ZNF804B: variants seen among roughly 807,000 people sequenced by gnomAD.
ZNF804B encodes the protein zinc finger protein 804B.
ZNF804B carries 80 observed loss-of-function variants against 101.4 expected under a neutral mutation model. The observed-to-expected ratio is 0.79, with a 90% CI of 0.66 to 0.95. The LOEUF (loss-of-function observed/expected upper bound fraction) is 0.95. Among genes scored for constraint, ZNF804B ranks in the 40% least tolerant of loss-of-function variants. ZNF804B has a pLI of 0.00. For synonymous variants in ZNF804B, 622 were observed against 558.8 expected (o/e 1.11, Z -1.59); for missense variants, 1,673 against 1,561.9 (o/e 1.07, Z -1.20).
intron 1 of ZNF804B, among the ~76,000 whole-genome samples, chr7:88,857,007 G>T (rs1412565310): frequency 6.6e-6 from 1 of 152,012 alleles, no homozygotes; most frequent in Non-Finnish European, 1.5e-5. Flanking sequence ...GATTCGGTTC[G>T]CCAGTATTTT....
intron 1 of ZNF804B, among the ~76,000 whole-genome samples, chr7:88,902,773 A>G (rs780012287): frequency 7.2e-5 from 11 of 152,160 alleles, no homozygotes; most frequent in Non-Finnish European, 1.6e-4. Context: ...CTGTGCCTAC[A>G]TTATTTTAAA....
chr7:88,805,235 G>T (rs1583947398), intron 1 of ZNF804B, among the ~76,000 whole-genome samples: 1 of 152,078 alleles, frequency 6.6e-6, no homozygotes, highest in East Asian at 1.9e-4. Flanking sequence ...TGCAATGAGG[G>T]TCTAGGCTAG....
intron 2 of ZNF804B, among the ~76,000 whole-genome samples, chr7:89,271,896 C>G (rs1789903494): frequency 6.6e-6 from 1 of 151,978 alleles, no homozygotes. Context: ...GTTTGTATTT[C>G]TGTGGGATCG....
chr7:89,020,861 T>G (rs368678460), intron 1 of ZNF804B, among the ~76,000 whole-genome samples: 1 of 152,216 alleles, frequency 6.6e-6, no homozygotes. Flanking sequence ...TTTCAAAACA[T>G]GAATTGTTTC....
At chr7:89,112,254 T>C (rs960331144) in intron 1 of ZNF804B, among the ~76,000 whole-genome samples, 2 of 152,194 alleles carry the variant, frequency 1.3e-5, no homozygotes, top group Admixed American at 1.3e-4. Context: ...GTCTTAGATA[T>C]GACATCTAGG....
chr7:89,136,558 A>G (rs922391712), intron 1 of ZNF804B, among the ~76,000 whole-genome samples: 7 of 151,948 alleles, frequency 4.6e-5, no homozygotes, highest in Admixed American at 3.3e-4. Context: ...GCACTATTCT[A>G]CTTTATCTGT....
intron 1 of ZNF804B, among the ~76,000 whole-genome samples, chr7:88,804,168 A>G (rs559508341): frequency 6.6e-6 from 1 of 152,270 alleles, no homozygotes; most frequent in East Asian, 1.9e-4. Context: ...CATTGAGTGG[A>G]TCAAAGGAGA....
rs1791598245 is a variant in ZNF804B, at chr7:88,858,099, A to G, written c.108+98015A>G. On this transcript the variant is annotated intron_variant, in intron 1 of 3. Coordinates refer to ENST00000333190, the MANE Select transcript of ZNF804B (RefSeq NM_181646.5). Reference sequence around the variant, plus strand: ...CAGCCTCCCAAAGTGCTGGGATTACAGGTGAGAGCCACGGCACCTGGCCTG... The same window carrying G: ...CAGCCTCCCAAAGTGCTGGGATTACGGGTGAGAGCCACGGCACCTGGCCTG... Among the ~76,000 whole-genome samples the G allele has an allele frequency of 2.0e-5, 3 of 151,918 alleles. 1 individual carries two copies. The Middle Eastern group carries it at 0.01, about 517-fold the overall frequency.
In ZNF804B at chr7:89,043,457, G is replaced by A. The variant is rs779614629; in HGVS notation, c.109-174698G>A. Reference sequence around the variant, plus strand: ...TTAATTACAAACATCTAATTTTTGTGAGTTATAACAAAATGGAATATTTTC... The same window carrying A: ...TTAATTACAAACATCTAATTTTTGTAAGTTATAACAAAATGGAATATTTTC... On this transcript the variant is annotated intron_variant, in intron 1 of 3. Coordinates refer to ENST00000333190, the MANE Select transcript of ZNF804B (RefSeq NM_181646.5). 3.2e-4 allele frequency among the ~76,000 whole-genome samples: 48 copies of A among 152,134 alleles called. 1 individual carries two copies. Among genetic ancestry groups the A allele is most frequent in the Non-Finnish European group, 6.0e-4 (41 of 67,988 alleles).
chr7:89,262,452 C>T (rs1401238893), intron 2 of ZNF804B, among the ~76,000 whole-genome samples: 1 of 152,152 alleles, frequency 6.6e-6, no homozygotes, highest in Non-Finnish European at 1.5e-5. Flanking sequence ...TAATTACTTT[C>T]TCTTCCTCAA....
At chr7:88,982,392 A>G (rs1436880422) in intron 1 of ZNF804B, among the ~76,000 whole-genome samples, 3 of 152,126 alleles carry the variant, frequency 2.0e-5, no homozygotes, top group South Asian at 2.1e-4. Context: ...TCAGGCTGCC[A>G]TAACAAACTA....
rs1562819554 is a variant in ZNF804B at position 88,874,822 on chromosome 7, ACAGAACTCCCCACCC to A, written c.108+114741_108+114755del. 2.3e-4 allele frequency among the ~76,000 whole-genome samples: 35 copies of A among 151,588 alleles called. No homozygotes were observed. The East Asian group carries it at 6.8e-3, about 29-fold the overall frequency. ...CACCAAGCGGACCTAATAGACATCT[ACAGAACTCCCCACCC>A]CAAATCAACAGAATATACATTTTTT... On this transcript the variant is annotated intron_variant, in intron 1 of 3. Coordinates refer to ENST00000333190, the MANE Select transcript of ZNF804B (RefSeq NM_181646.5).
chr7:89,081,411 C>A (rs1407541375), intron 1 of ZNF804B, among the ~76,000 whole-genome samples: 2 of 151,746 alleles, frequency 1.3e-5, no homozygotes, highest in South Asian at 2.1e-4. Context: ...TTTAGAGTAA[C>A]AAATTTACAT....
At chr7:89,325,853 A>G (rs1446813128) in intron 2 of ZNF804B, among the ~76,000 whole-genome samples, 2 of 151,940 alleles carry the variant, frequency 1.3e-5, no homozygotes, top group South Asian at 2.1e-4. Flanking sequence ...CAGTTGTACT[A>G]TAGTTTATGT....
At chr7:88,774,062 A>G (rs556114349) in intron 1 of ZNF804B, among the ~76,000 whole-genome samples, 1 of 152,234 alleles carries the variant, frequency 6.6e-6, no homozygotes, top group East Asian at 1.9e-4. Flanking sequence ...AAATGGATGG[A>G]CTGAGATAGT....
intron 1 of ZNF804B, among the ~76,000 whole-genome samples, chr7:88,862,437 A>T (rs1490003138): frequency 1.3e-5 from 2 of 152,170 alleles, no homozygotes; most frequent in Non-Finnish European, 2.9e-5. Flanking sequence ...TGATGGAGGT[A>T]TACAGGAAGA....
rs78308002 is a variant in ZNF804B at position 89,330,198 on chromosome 7, T to A, written c.380+2724T>A. Among the ~76,000 whole-genome samples, 1,092 of 151,820 alleles carry A rather than the reference T, an allele frequency of 7.2e-3. 14 individuals carry two copies. The highest frequency in any genetic ancestry group is 0.025 in the African/African-American group (1,054 of 41,524). ...ATAAAAATTGAAGTTTCATTGAGAA[T>A]GCAACTGTGGTTTCAAGGGGCGGGC... On this transcript the variant is annotated intron_variant, in intron 3 of 3. Coordinates refer to ENST00000333190, the MANE Select transcript of ZNF804B (RefSeq NM_181646.5).
intron 2 of ZNF804B, among the ~76,000 whole-genome samples, chr7:89,243,823 A>T (rs900448014): frequency 1.3e-5 from 2 of 151,908 alleles, no homozygotes; most frequent in Admixed American, 1.3e-4. Context: ...CTTAGGAGTC[A>T]AAAGTTCATG....
At chr7:89,141,491 T>C (rs1790714862) in intron 1 of ZNF804B, among the ~76,000 whole-genome samples, 2 of 152,072 alleles carry the variant, frequency 1.3e-5, no homozygotes, top group African/African-American at 2.4e-5. Flanking sequence ...GCTCACCTTT[T>C]GGTTATTGTA....
Sources: gnomAD v4.1 joint callset for allele counts (sites outside exome capture counted in the v4.1 genomes callset) on GRCh38, gnomAD v4.1.1 for gene constraint, MANE v1.5 for transcripts, NCBI Gene and HGNC (gene_info 2026-07-23, HGNC 2026-07-21) for gene names.